RPTOR: variants seen among roughly 807,000 people sequenced by gnomAD.
RPTOR encodes the protein regulatory associated protein of MTOR complex 1, also known as regulatory-associated protein of mTOR.
Under a neutral mutation model 169.9 loss-of-function variants are expected in RPTOR, and 21 were observed. The observed-to-expected ratio is 0.12, with a 90% CI of 0.09 to 0.18. The LOEUF is 0.18. RPTOR is among the 10% of genes least tolerant of loss of function. RPTOR has a pLI of 1.00. For synonymous variants in RPTOR, 732 were observed against 753.2 expected (o/e 0.97, Z 0.46); for missense variants, 1,133 against 1,855.9 (o/e 0.61, Z 7.16).
intron 20 of RPTOR, among the ~76,000 whole-genome samples, chr17:80,894,534 C>T (rs2068374465): frequency 6.6e-6 from 1 of 152,204 alleles, no homozygotes; most frequent in Non-Finnish European, 1.5e-5. Flanking sequence ...GGTCCTACCA[C>T]CAGGATTGCT....
intron 21 of RPTOR, among the ~76,000 whole-genome samples, chr17:80,920,037 C>T (rs536684422): frequency 6.6e-6 from 1 of 152,376 alleles, no homozygotes; most frequent in African/African-American, 2.4e-5. Context: ...TCTGCCATTG[C>T]CGTGCCCTCT....
At chr17:80,864,090 A>AAT (rs1220304313) in intron 13 of RPTOR, among the ~76,000 whole-genome samples, 1 of 152,238 alleles carries the variant, frequency 6.6e-6, no homozygotes, top group East Asian at 1.9e-4. Flanking sequence ...TTGAAGAAAC[A>AAT]ATAGCTAACA....
At chr17:80,751,329 G>A (rs1425367989) in intron 5 of RPTOR, among the ~76,000 whole-genome samples, 1 of 152,174 alleles carries the variant, frequency 6.6e-6, no homozygotes, top group Non-Finnish European at 1.5e-5. Context: ...GGCAGTGCCC[G>A]GCACTCTGGA....
intron 4 of RPTOR, among the ~76,000 whole-genome samples, chr17:80,725,443 G>A (rs1274365456): frequency 6.6e-6 from 1 of 152,242 alleles, no homozygotes; most frequent in Non-Finnish European, 1.5e-5. Context: ...TGTACTTTTA[G>A]TTTTGGATCA....
chr17:80,567,469 T>G (rs576707184), intron 1 of RPTOR, among the ~76,000 whole-genome samples: 1 of 152,128 alleles, frequency 6.6e-6, no homozygotes, highest in South Asian at 2.1e-4. Flanking sequence ...TTCCACACAT[T>G]TTAAACCCCA....
intron 1 of RPTOR, among the ~76,000 whole-genome samples, chr17:80,587,357 C>T (rs982317137): frequency 2.6e-5 from 4 of 152,182 alleles, no homozygotes; most frequent in East Asian, 1.9e-4. Flanking sequence ...CCGTGTGTAG[C>T]GGCGGTTATT....
chr17:80,854,218 T>G lies in RPTOR; in HGVS notation c.1315-1246T>G, dbSNP rs552422209. Among the ~76,000 whole-genome samples, 5 of 152,352 alleles carry G rather than the reference T, an allele frequency of 3.3e-5. No individual in the cohort carries two copies. The South Asian group carries it at 8.3e-4, about 25-fold the overall frequency. On this transcript the variant is annotated intron_variant, in intron 11 of 33. Coordinates refer to ENST00000306801, the MANE Select transcript of RPTOR (RefSeq NM_020761.3). ...GATGAAAAGGATGTATTTTCACCTG[T>G]CCTTTTGGCTAATAATAGTGTAATA...
At chr17:80,789,551 A>G (rs549149964) in intron 6 of RPTOR, among the ~76,000 whole-genome samples, 26 of 152,336 alleles carry the variant, frequency 1.7e-4, no homozygotes, top group African/African-American at 6.0e-4. Context: ...CGTGCCCTTC[A>G]GGAGCCAGCC....
chr17:80,926,455 A>C (rs1304442278), intron 24 of RPTOR, among the ~76,000 whole-genome samples: 1 of 152,230 alleles, frequency 6.6e-6, no homozygotes, highest in Non-Finnish European at 1.5e-5. Context: ...CCTTTGACCC[A>C]GTCATGAATC....
Position 80,545,467 on chromosome 17 carries a change from CTCAGACTTTTGCCTGA to C in RPTOR, c.-162_-147del. 1.8e-6 allele frequency: 1 copy of C among 549,158 alleles called. No homozygotes were observed. Among genetic ancestry groups the C allele is most frequent in the Non-Finnish European group, 3.2e-6 (1 of 312,656 alleles). 34.0% of individuals were successfully genotyped at this position (549,158 alleles called of 1,614,324 possible). A position where few individuals can be genotyped will look rare whatever the true frequency, so the allele number is the denominator to read the frequency against. ...CCCGCTCAGAGTTAGAGATAAGGAT[CTCAGACTTTTGCCTGA>C]GTAAGGGTCTCCGCACTCTTTATCC... On this transcript the variant is annotated 5_prime_UTR_variant, in exon 1 of 34. Transcript: ENST00000306801.
intron 5 of RPTOR, among the ~76,000 whole-genome samples, chr17:80,752,519 A>G (rs562939200): frequency 7.5e-4 from 115 of 152,374 alleles, no homozygotes; most frequent in African/African-American, 2.7e-3. Context: ...CTCATGTGTT[A>G]TACTTATTAA....
intron 3 of RPTOR, among the ~76,000 whole-genome samples, chr17:80,671,946 A>G (rs1430520090): frequency 6.6e-6 from 1 of 152,240 alleles, no homozygotes; most frequent in East Asian, 1.9e-4. Context: ...TTGTAGCATT[A>G]AATGTCCCTG....
chr17:80,823,242 T>C lies in RPTOR; in HGVS notation c.1136+19T>C. 1 of 1,610,712 alleles carries C rather than the reference T, an allele frequency of 6.2e-7. No individual in the cohort carries two copies. Among genetic ancestry groups the C allele is most frequent in the Non-Finnish European group, 8.5e-7 (1 of 1,177,360 alleles). On this transcript the variant is annotated intron_variant, in intron 9 of 33. Coordinates refer to ENST00000306801, the MANE Select transcript of RPTOR (RefSeq NM_020761.3). This position sits in a 1 kb window ranked among gnomAD's most constrained non-coding sequence, Gnocchi z 4.5. ...CCATGTGGTGAGTGTTTCAGGATCC[T>C]CCAGGTGCCGTGCTCCCCCGCCCTC...
intron 5 of RPTOR, among the ~76,000 whole-genome samples, chr17:80,735,078 C>T (rs1035319653): frequency 6.6e-6 from 1 of 152,170 alleles, no homozygotes; most frequent in African/African-American, 2.4e-5. Context: ...GCAGACTTCG[C>T]TTTAGACCGA....
chr17:80,945,366 G>A (rs2069088160), intron 25 of RPTOR, among the ~76,000 whole-genome samples: 1 of 152,126 alleles, frequency 6.6e-6, no homozygotes, highest in Non-Finnish European at 1.5e-5. Context: ...GCCGAGGCGG[G>A]CAGATCACAA....
Position 80,856,290 on chromosome 17 carries a change from T to C in RPTOR, c.1398+743T>C, listed in dbSNP as rs548794279. Among the ~76,000 whole-genome samples the C allele has an allele frequency of 2.0e-5, 3 of 152,362 alleles. 1 individual carries two copies. Among genetic ancestry groups the C allele is most frequent in the African/African-American group, 7.2e-5 (3 of 41,588 alleles). ...TTTCTTGGGTGTGGTAACTGGATCA[T>C]GTTTTTATAAAAGAGACCTAATTTT... On this transcript the variant is annotated intron_variant, in intron 12 of 33. Coordinates refer to ENST00000306801, the MANE Select transcript of RPTOR (RefSeq NM_020761.3).
intron 2 of RPTOR, among the ~76,000 whole-genome samples, chr17:80,639,563 C>T (rs1181496756): frequency 6.6e-6 from 1 of 152,180 alleles, no homozygotes; most frequent in Non-Finnish European, 1.5e-5. Context: ...AGCTTTCCAT[C>T]TAAATGGAGC....
intron 3 of RPTOR, among the ~76,000 whole-genome samples, chr17:80,679,831 C>T (rs1438821092): frequency 6.6e-6 from 1 of 152,240 alleles, no homozygotes; most frequent in Non-Finnish European, 1.5e-5. Context: ...TCTCTGCTTT[C>T]TCTTCTTCCC....
In RPTOR at chr17:80,841,474, ACACCACACGGCAGCTCACTCT is replaced by A. The variant is rs1388628968; in HGVS notation, c.1212+3496_1212+3516del. Among the ~76,000 whole-genome samples the A allele has an allele frequency of 1.4e-3, 143 of 102,008 alleles. 4 individuals carry two copies. The highest frequency in any genetic ancestry group is 2.2e-3 in the Non-Finnish European group (113 of 51,300). The allele number at this position is 102,008 out of a possible 152,430, so 66.9% of individuals were successfully genotyped here. A position where few individuals can be genotyped will look rare whatever the true frequency, so the allele number is the denominator to read the frequency against. On this transcript the variant is annotated intron_variant, in intron 10 of 33. Transcript: ENST00000306801. ...GCTCACTCTCACCACACGGCAGCTCACACCACACGGCAGCTCACTCTCACCACACGGCAGCTCACACCACAC... is the reference window on the plus strand; with the variant it reads ...GCTCACTCTCACCACACGGCAGCTCACACCACACGGCAGCTCACACCACAC...
Sources: allele counts gnomAD v4.1 joint callset (sites outside exome capture counted in the v4.1 genomes callset), GRCh38; gene constraint gnomAD v4.1.1; non-coding constraint Gnocchi (gnomAD v3.1); transcripts MANE v1.5; gene names NCBI Gene and HGNC (gene_info 2026-07-23, HGNC 2026-07-21).